The following ITSN2 variants were observed in gnomAD, a reference collection of about 807,000 sequenced individuals.
The protein encoded by ITSN2 is intersectin 2.
In ITSN2, 156 loss-of-function variants were observed where a neutral mutation model predicts 243.7. The ratio of observed to expected loss-of-function variants is 0.64; its 90% CI spans 0.56 to 0.73. The LOEUF is 0.73. Among genes scored for constraint, ITSN2 ranks in the 30% least tolerant of loss-of-function variants. ITSN2 has a pLI of 0.00. For synonymous variants in ITSN2, 703 were observed against 699.9 expected (o/e 1.00, Z -0.07); for missense variants, 1,801 against 1,996.1 (o/e 0.90, Z 1.86).
At chr2:24,210,128 G>T in intron 34 of ITSN2, 95 bp from the exon 35 acceptor site, 1 of 835,132 alleles carries the variant, frequency 1.2e-6, no homozygotes, top group Non-Finnish European at 1.9e-6. Context: ...ATACTGTGGT[G>T]GAGTTTTCTA....
intron 1 of ITSN2, among the ~76,000 whole-genome samples, chr2:24,332,316 C>A (rs1032559945): frequency 6.6e-6 from 1 of 150,924 alleles, no homozygotes; most frequent in Non-Finnish European, 1.5e-5. Context: ...TGATTGTTTA[C>A]GGAAAGTATC....
At chr2:24,216,582 C>A (rs548743522) in intron 31 of ITSN2, among the ~76,000 whole-genome samples, 4 of 151,984 alleles carry the variant, frequency 2.6e-5, no homozygotes, top group Non-Finnish European at 5.9e-5. Flanking sequence ...ATAGTGAGAC[C>A]CTGTCTCTAC....
intron 20 of ITSN2, among the ~76,000 whole-genome samples, chr2:24,267,826 G>A (rs1676862064): frequency 6.6e-6 from 1 of 152,122 alleles, no homozygotes; most frequent in Non-Finnish European, 1.5e-5. Flanking sequence ...CAAAGTGCTG[G>A]GATTATGGGT....
chr2:24,270,087 ACTGGCTAGATACT>A (rs576432792), intron 20 of ITSN2, among the ~76,000 whole-genome samples: 68 of 152,316 alleles, frequency 4.5e-4, no homozygotes, highest in East Asian at 3.5e-3. Context: ...GGAAAGAGGC[ACTGGCTAGATACT>A]CTGGCTAGAT....
At chr2:24,233,990 A>G (rs1671869560) in intron 29 of ITSN2, among the ~76,000 whole-genome samples, 1 of 152,244 alleles carries the variant, frequency 6.6e-6, no homozygotes, top group South Asian at 2.1e-4. Context: ...AAAAGTTTAT[A>G]CGGAGAGGCA....
chr2:24,209,213 G>A lies in ITSN2; in HGVS notation c.4482C>T (p.Phe1494=). 6.2e-7 allele frequency: 1 copy of A among 1,614,088 alleles called. No individual in the cohort carries two copies. ...GCAGTTTCACCAAGACTTCATTCAG[G>A]AAAATGGGCTGAAAGAATTAGGGCC... ...AQFKMYKTPI[F]LNEVLVKLPT... Residue 1494 remains phenylalanine (F), a synonymous_variant, in exon 36 of 40, where the codon TTC becomes TTT. Coordinates refer to ENST00000355123, the MANE Select transcript of ITSN2 (RefSeq NM_006277.3).
intron 29 of ITSN2, among the ~76,000 whole-genome samples, chr2:24,222,633 A>G (rs1463167551): frequency 6.8e-6 from 1 of 147,272 alleles, no homozygotes; most frequent in African/African-American, 2.5e-5. Flanking sequence ...ACCTGTTGGT[A>G]TGCATATTCC....
intron 37 of ITSN2, among the ~76,000 whole-genome samples, chr2:24,207,973 A>G (rs1328126434): frequency 6.6e-6 from 1 of 151,782 alleles, no homozygotes; most frequent in South Asian, 2.1e-4. Flanking sequence ...AAAGGAGTGG[A>G]GAAGGTGCAG....
At chr2:24,346,918 G>T (rs1687591220) in intron 1 of ITSN2, among the ~76,000 whole-genome samples, 1 of 143,442 alleles carries the variant, frequency 7.0e-6, no homozygotes, top group African/African-American at 2.6e-5. Flanking sequence ...AGGCTGGAGT[G>T]CAGTGGCATG....
intron 23 of ITSN2, 56 bp from the exon 24 acceptor site, chr2:24,254,487 G>T: frequency 1.4e-6 from 2 of 1,426,110 alleles, no homozygotes. Context: ...GCAAAAATAA[G>T]AAAGGTGATT....
intron 15 of ITSN2, among the ~76,000 whole-genome samples, chr2:24,290,875 T>C (rs1220051641): frequency 1.3e-5 from 2 of 152,116 alleles, no homozygotes; most frequent in Non-Finnish European, 2.9e-5. Context: ...TTTCATATCT[T>C]ATGTTTCGAT....
chr2:24,297,699 C>T (rs910657652), intron 13 of ITSN2, among the ~76,000 whole-genome samples: 1 of 152,132 alleles, frequency 6.6e-6, no homozygotes, highest in Non-Finnish European at 1.5e-5. Context: ...CTGCTTAGTC[C>T]TCCTCAGACC....
At position 24,207,422 on chromosome 2, in the gene ITSN2, GA is replaced by G. The variant is rs1306338946; in HGVS notation, c.4678+814del. 5.3e-5 allele frequency among the ~76,000 whole-genome samples: 8 copies of G among 152,250 alleles called. No homozygotes were observed. The East Asian group carries it at 1.5e-3, about 29-fold the overall frequency. On this transcript the variant is annotated intron_variant, in intron 37 of 39. Coordinates refer to ENST00000355123, the MANE Select transcript of ITSN2 (RefSeq NM_006277.3). ...TGGAAGGAGGCTGGTGGTCCCTTGG[GA>G]AAAGCCGATGTGTGATGTGGGAGCA...
At chr2:24,351,458 T>C (rs944434788) in intron 1 of ITSN2, among the ~76,000 whole-genome samples, 6 of 152,210 alleles carry the variant, frequency 3.9e-5, no homozygotes, top group African/African-American at 1.4e-4. Context: ...GTGCAAGTAC[T>C]TCCTAGCTTT....
intron 29 of ITSN2, among the ~76,000 whole-genome samples, chr2:24,245,638 C>G (rs1673265902): frequency 6.6e-6 from 1 of 152,072 alleles, no homozygotes; most frequent in Non-Finnish European, 1.5e-5. Flanking sequence ...GCCACCACAC[C>G]CAGCTAATTT....
rs1677236028 is a variant in ITSN2 at position 24,270,745 on chromosome 2, T to G, written c.2281A>C (p.Asn761His). Residue 761 changes from asparagine (N) to histidine (H), a missense_variant, in exon 20 of 40, where the codon AAT (asparagine) becomes CAT (histidine). Transcript: ENST00000355123. ...KKRETASVLV[N>H]YRALYPFEAR... ...TCAAAGGGGTATAATGCTCTATAAT[T>G]CACCAAAACACTAGCTGTCTCACCT... 6.3e-7 allele frequency: 1 copy of G among 1,592,602 alleles called. No homozygotes were observed. Among genetic ancestry groups the G allele is most frequent in the Non-Finnish European group, 8.6e-7 (1 of 1,162,740 alleles).
At chr2:24,283,191 G>A (rs1226287687) in intron 17 of ITSN2, among the ~76,000 whole-genome samples, 2 of 151,474 alleles carry the variant, frequency 1.3e-5, no homozygotes, top group African/African-American at 4.8e-5. Context: ...GTCTTCAAAA[G>A]TTTTCTTTTT....
intron 30 of ITSN2, chr2:24,220,687 C>G (rs995182422): frequency 5.4e-6 from 7 of 1,301,000 alleles, no homozygotes; most frequent in Non-Finnish European, 6.8e-6. Flanking sequence ...TGCGAATGCC[C>G]TCTTGTTCTC....
At chr2:24,254,960 C>T (rs1313688965) in intron 23 of ITSN2, among the ~76,000 whole-genome samples, 1 of 152,148 alleles carries the variant, frequency 6.6e-6, no homozygotes, top group African/African-American at 2.4e-5. Context: ...GTGGGATGCA[C>T]CAGGCCTCCC....
Sources: gnomAD v4.1 joint callset for allele counts (sites outside exome capture counted in the v4.1 genomes callset) on GRCh38, gnomAD v4.1.1 for gene constraint, MANE v1.5 for transcripts, NCBI Gene and HGNC (gene_info 2026-07-23, HGNC 2026-07-21) for gene names.